Variants in INTS9 observed in about 807,000 individuals in gnomAD.
INTS9 encodes integrator complex subunit 9.
In INTS9, 55 loss-of-function variants were observed where a neutral mutation model predicts 79.7. That is an observed-to-expected ratio of 0.69 (90% CI 0.56 to 0.86). The LOEUF is 0.86. INTS9 is among the 40% of genes least tolerant of loss of function. INTS9 has a pLI of 0.00. For missense variants in INTS9, 721 were observed against 831.5 expected (o/e 0.87, Z 1.64); for synonymous variants, 319 against 325.2 (o/e 0.98, Z 0.20).
At position 28,780,868 on chromosome 8, in the gene INTS9, T is replaced by A; in HGVS notation, c.1225A>T (p.Met409Leu). Residue 409 changes from methionine to leucine, a missense_variant, in exon 12 of 17, where the codon ATG (methionine) becomes TTG (leucine). Coordinates refer to ENST00000521022, the MANE Select transcript of INTS9 (RefSeq NM_018250.4). ...SLRFGDVVHF[M>L]ELWGKSSLNT... ...AGACTAGATTTTCCCCAGAGCTCCA[T>A]GAAGTGGACCACGTCCCCGAAGCGG... 2 of 1,614,156 alleles carry A rather than the reference T, an allele frequency of 1.2e-6. No individual in the cohort carries two copies. Among genetic ancestry groups the A allele is most frequent in the Non-Finnish European group, 1.7e-6 (2 of 1,180,026 alleles).
At chr8:28,851,413 TAA>T (rs1157649349) in intron 2 of INTS9, among the ~76,000 whole-genome samples, 3 of 150,778 alleles carry the variant, frequency 2.0e-5, no homozygotes, top group East Asian at 3.9e-4. Context: ...GGGGGTGGGG[TAA>T]GTTTGTTTTT....
At chr8:28,852,155 G>C (rs994643370) in intron 2 of INTS9, among the ~76,000 whole-genome samples, 3 of 152,110 alleles carry the variant, frequency 2.0e-5, no homozygotes, top group African/African-American at 4.8e-5. Flanking sequence ...GGAGGTCAAG[G>C]CTGCAGGGAG....
intron 1 of INTS9, among the ~76,000 whole-genome samples, chr8:28,871,959 T>C (rs931125992): frequency 6.6e-6 from 1 of 151,878 alleles, no homozygotes; most frequent in African/African-American, 2.4e-5. Context: ...GAAATACAAA[T>C]GAGTGAAAAA....
chr8:28,780,908 G>C lies in INTS9; in HGVS notation c.1185C>G (p.Thr395=). The change falls in exon 12 of 17, where the codon ACC becomes ACG. Residue 395 remains threonine (T), a synonymous_variant. Coordinates refer to ENST00000521022, the MANE Select transcript of INTS9 (RefSeq NM_018250.4). The part of the protein sequence containing the change: ...NDFRQPCVVF[T]GHPSLRFGDV... The stretch of plus-strand genomic sequence containing the variant: ...CCCCGAAGCGGAGGGAAGGGTGCCC[G>C]GTGAACACCACACAGGGCTGTCTAA... The C allele has an allele frequency of 6.2e-7, 1 of 1,614,018 alleles. No individual in the cohort carries two copies.
At chr8:28,883,765 T>C (rs1423576789) in intron 1 of INTS9, among the ~76,000 whole-genome samples, 1 of 152,210 alleles carries the variant, frequency 6.6e-6, no homozygotes, top group Non-Finnish European at 1.5e-5. Context: ...GCTTAGTATC[T>C]TGAGCAATGC....
chr8:28,825,171 G>A (rs939195856), intron 6 of INTS9, among the ~76,000 whole-genome samples: 1 of 152,194 alleles, frequency 6.6e-6, no homozygotes, highest in Admixed American at 6.5e-5. Flanking sequence ...AACCTCCTGG[G>A]GCTGCCCTGC....
At chr8:28,825,559 G>A (rs2131124491) in intron 6 of INTS9, among the ~76,000 whole-genome samples, 1 of 152,284 alleles carries the variant, frequency 6.6e-6, no homozygotes, top group South Asian at 2.1e-4. Flanking sequence ...TCTCTTGATG[G>A]CCCTTCCCAG....
At chr8:28,817,272 G>GT (rs1488206399) in intron 6 of INTS9, among the ~76,000 whole-genome samples, 2 of 151,848 alleles carry the variant, frequency 1.3e-5, no homozygotes, top group Non-Finnish European at 1.5e-5. Flanking sequence ...TTCTTCTAGG[G>GT]TTTTTATGGT....
chr8:28,874,299 T>G (rs530019000), intron 1 of INTS9, among the ~76,000 whole-genome samples: 13 of 151,886 alleles, frequency 8.6e-5, no homozygotes, highest in Non-Finnish European at 1.0e-4. Context: ...GTTTTTTTTT[T>G]TTTGTTTTGA....
chr8:28,785,882 C>T (rs1035826957), intron 11 of INTS9, among the ~76,000 whole-genome samples: 2 of 152,238 alleles, frequency 1.3e-5, no homozygotes, highest in African/African-American at 2.4e-5. Flanking sequence ...CCAGCCTTCA[C>T]TCTTTCCTTA....
chr8:28,768,085 G>T lies in INTS9; in HGVS notation c.*61C>A. 1 of 1,513,880 alleles carries T rather than the reference G, an allele frequency of 6.6e-7. No individual in the cohort carries two copies. Among genetic ancestry groups the T allele is most frequent in the Non-Finnish European group, 9.1e-7 (1 of 1,093,328 alleles). 93.8% of individuals were successfully genotyped at this position (1,513,880 alleles called of 1,614,324 possible). On this transcript the variant is annotated 3_prime_UTR_variant, in exon 17 of 17. Coordinates refer to ENST00000521022, the MANE Select transcript of INTS9 (RefSeq NM_018250.4). ...GGCCTCTCATGCCACTCCTCAGGTG[G>T]CTTGTGAGGGCAGCCAGTGAGGGAC...
At chr8:28,874,859 G>A (rs896221749) in intron 1 of INTS9, among the ~76,000 whole-genome samples, 6 of 152,116 alleles carry the variant, frequency 3.9e-5, no homozygotes, top group Non-Finnish European at 7.3e-5. Flanking sequence ...GTATTAGTCC[G>A]TTTTCACACT....
chr8:28,827,724 C>T (rs1644667656), intron 6 of INTS9, among the ~76,000 whole-genome samples: 1 of 152,160 alleles, frequency 6.6e-6, no homozygotes, highest in Admixed American at 6.5e-5. Flanking sequence ...ATGGCAATTG[C>T]TTAGGCTACC....
At chr8:28,835,919 C>T (rs1254909042) in intron 5 of INTS9, among the ~76,000 whole-genome samples, 1 of 152,102 alleles carries the variant, frequency 6.6e-6, no homozygotes, top group Non-Finnish European at 1.5e-5. Context: ...AGGGATTCTC[C>T]TGCCTCAGCC....
intron 8 of INTS9, among the ~76,000 whole-genome samples, chr8:28,808,823 T>C (rs895082346): frequency 2.0e-5 from 3 of 152,244 alleles, no homozygotes; most frequent in African/African-American, 7.2e-5. Flanking sequence ...CAAAGCCTTA[T>C]TTCCCCATGT....
intron 6 of INTS9, among the ~76,000 whole-genome samples, chr8:28,817,614 C>G (rs1281607794): frequency 6.6e-6 from 1 of 152,140 alleles, no homozygotes; most frequent in African/African-American, 2.4e-5. Context: ...GTTCTTTTGG[C>G]TTAGGACTGA....
intron 14 of INTS9, 131 bp downstream of exon 14, chr8:28,775,628 A>T: frequency 1.0e-6 from 1 of 976,216 alleles, no homozygotes; most frequent in Non-Finnish European, 1.5e-6. Context: ...CTGGGATTAT[A>T]GGCGTGAGCT....
intron 6 of INTS9, among the ~76,000 whole-genome samples, chr8:28,819,177 T>C (rs564234644): frequency 1.7e-3 from 253 of 152,382 alleles, no homozygotes; most frequent in Admixed American, 3.6e-3. Context: ...ATTTCAGTTA[T>C]TTCTTGCCTT....
chr8:28,800,481 A>G (rs241166), intron 8 of INTS9, among the ~76,000 whole-genome samples: 120,238 of 152,188 alleles, frequency 0.79, 47,686 homozygotes, highest in Non-Finnish European at 0.81. Context: ...AGGCAGTGAG[A>G]AGCCAACAGT....
Sources: gnomAD v4.1 joint callset for allele counts (sites outside exome capture counted in the v4.1 genomes callset) on GRCh38, gnomAD v4.1.1 for gene constraint, MANE v1.5 for transcripts, NCBI Gene and HGNC (gene_info 2026-07-23, HGNC 2026-07-21) for gene names.